The following TTC6 variants were observed in gnomAD, a reference collection of about 807,000 sequenced individuals.
TTC6 encodes tetratricopeptide repeat domain 6, also known as tetratricopeptide repeat protein 6.
In TTC6, 172 loss-of-function variants were observed where a neutral mutation model predicts 210.4. The observed-to-expected ratio is 0.82, with a 90% CI of 0.72 to 0.93. The LOEUF is 0.93. Ranked by LOEUF, TTC6 falls within the 40% of genes least tolerant of loss-of-function variation. The pLI, the probability that TTC6 is intolerant of heterozygous loss-of-function variation, is 0.00. For missense variants in TTC6, 2,414 were observed against 2,318.1 expected, an observed-to-expected ratio of 1.04 and a Z score of -0.85; for synonymous variants, 804 against 819.6, an observed-to-expected ratio of 0.98 and a Z score of 0.32.
At chr14:37,698,444 C>G (rs2095818830) in intron 4 of TTC6, among the ~76,000 whole-genome samples, 1 of 152,154 alleles carries the variant, frequency 6.6e-6, no homozygotes, top group South Asian at 2.1e-4. Context: ...CAGGACCTGT[C>G]TCAGGTAGAA....
intron 16 of TTC6, 85 bp from the exon 19 acceptor site, chr14:37,792,179 G>C (rs997375801): frequency 1.8e-6 from 2 of 1,085,294 alleles, no homozygotes; most frequent in Non-Finnish European, 2.6e-6. Context: ...TGATGCATCT[G>C]TTTCATTCAG....
At chr14:37,747,046 G>A (rs1054913381) in intron 10 of TTC6, among the ~76,000 whole-genome samples, 2 of 152,216 alleles carry the variant, frequency 1.3e-5, no homozygotes, top group Non-Finnish European at 2.9e-5. Context: ...GAAAGAAGTA[G>A]TCAACTGAAC....
intron 21 of TTC6, among the ~76,000 whole-genome samples, chr14:37,806,082 A>G (rs998244931): frequency 1.3e-5 from 2 of 152,204 alleles, no homozygotes; most frequent in African/African-American, 4.8e-5. Flanking sequence ...GAAGCAATGA[A>G]ATCTGAAGAA....
Position 37,720,750 on chromosome 14 carries a change from T to C in TTC6, c.1714-4148T>C, listed in dbSNP as rs1254569257. On this transcript the variant is annotated intron_variant, in intron 6 of 30. Coordinates refer to ENST00000553443, the Ensembl canonical transcript of TTC6. ...TCCAATTCTAAAAGATTACATACTG[T>C]GTAATTTCATTATATAACTTCCTCG... Among the ~76,000 whole-genome samples, 8 of 152,216 alleles carry C rather than the reference T, an allele frequency of 5.3e-5. No homozygotes were observed. In the East Asian group the frequency reaches 1.5e-3, roughly 29 times the overall value.
chr14:37,811,885 T>C (rs1020910362), intron 24 of TTC6, among the ~76,000 whole-genome samples: 1 of 152,202 alleles, frequency 6.6e-6, no homozygotes, highest in African/African-American at 2.4e-5. Flanking sequence ...GTTACTGGGC[T>C]TAAAACAGTG....
chr14:37,797,377 A>C (rs1476806658), intron 20 of TTC6, among the ~76,000 whole-genome samples: 1 of 151,994 alleles, frequency 6.6e-6, no homozygotes, highest in African/African-American at 2.4e-5. Context: ...ATAAAAATTT[A>C]TGTCTTGTGG....
At chr14:37,835,214 G>A (rs2096194984) in intron 29 of TTC6, among the ~76,000 whole-genome samples, 1 of 152,168 alleles carries the variant, frequency 6.6e-6, no homozygotes, top group African/African-American at 2.4e-5. Flanking sequence ...CACCAGTGGT[G>A]TCCATGGCAG....
upstream of TTC6, chr14:37,622,028 G>A (rs1449824702): frequency 7.0e-7 from 1 of 1,431,078 alleles, no homozygotes; most frequent in South Asian, 1.4e-5. Flanking sequence ...ATATGTGATT[G>A]TTTTGGGGGC....
At position 37,788,083 on chromosome 14, in the gene TTC6, C is replaced by T. The variant is rs74045698; in HGVS notation, c.3436+446C>T. Among the ~76,000 whole-genome samples the T allele has an allele frequency of 4.5e-3, 687 of 151,998 alleles. 8 individuals are homozygous for T. The highest frequency in any genetic ancestry group is 0.016 in the African/African-American group (649 of 41,450). On this transcript the variant is annotated intron_variant, in intron 15 of 30. Coordinates refer to ENST00000553443, the Ensembl canonical transcript of TTC6. ...CTGTGTCCTGCTCCATAGGCTCAGC[C>T]CAAGGGATTTGTCAAATTCAGAGTT...
At chr14:37,725,348 ATATATATATAAT>A (rs2095870649) in intron 7 of TTC6, among the ~76,000 whole-genome samples, 4 of 113,296 alleles carry the variant, frequency 3.5e-5, no homozygotes, top group African/African-American at 1.3e-4. Flanking sequence ...ATATATATAT[ATATATATATAAT>A]TTTTTTTGAG....
At chr14:37,672,840 T>TTTA (rs34898946) in intron 1 of TTC6, among the ~76,000 whole-genome samples, 1 of 145,190 alleles carries the variant, frequency 6.9e-6, no homozygotes, top group African/African-American at 2.5e-5. Context: ...TTTTTTTTTT[T>TTTA]ACTAAAAGCA....
chr14:37,648,887 T>C (rs1360727247), intron 1 of TTC6, among the ~76,000 whole-genome samples: 2 of 152,182 alleles, frequency 1.3e-5, no homozygotes, highest in African/African-American at 2.4e-5. Flanking sequence ...GCTTGGCCTT[T>C]TGATTTTATA....
intron 23 of TTC6, among the ~76,000 whole-genome samples, chr14:37,808,025 A>G (rs1187946433): frequency 2.0e-5 from 3 of 152,160 alleles, no homozygotes; most frequent in African/African-American, 7.2e-5. Flanking sequence ...ATAGTTATAT[A>G]CAACTGAGAA....
At chr14:37,719,109 A>G (rs2095857326) in intron 6 of TTC6, among the ~76,000 whole-genome samples, 1 of 152,194 alleles carries the variant, frequency 6.6e-6, no homozygotes, top group African/African-American at 2.4e-5. Flanking sequence ...TATCATTTAT[A>G]ATTGTTAAAA....
At chr14:37,809,220 T>C (rs2096124595) in intron 24 of TTC6, among the ~76,000 whole-genome samples, 1 of 151,732 alleles carries the variant, frequency 6.6e-6, no homozygotes, top group Admixed American at 6.6e-5. Context: ...AATTATCAAT[T>C]GAATAAATGT....
At chr14:37,774,400 C>T (rs2096030692) in intron 14 of TTC6, among the ~76,000 whole-genome samples, 1 of 152,108 alleles carries the variant, frequency 6.6e-6, no homozygotes, top group Non-Finnish European at 1.5e-5. Flanking sequence ...ATAGGTTTGT[C>T]ATCAATGGCT....
At chr14:37,635,493 A>G (rs2095678406) in intron 1 of TTC6, among the ~76,000 whole-genome samples, 2 of 152,246 alleles carry the variant, frequency 1.3e-5, no homozygotes, top group South Asian at 4.1e-4. Flanking sequence ...TACCAACTGA[A>G]AGGCAGAGAT....
intron 14 of TTC6, among the ~76,000 whole-genome samples, chr14:37,786,220 A>G (rs1487942755): frequency 6.6e-6 from 1 of 152,224 alleles, no homozygotes; most frequent in Non-Finnish European, 1.5e-5. Context: ...CCCGGCCCAC[A>G]GAGGTGGAGT....
At chr14:37,713,438 A>G (rs891010591) in intron 5 of TTC6, among the ~76,000 whole-genome samples, 1 of 152,130 alleles carries the variant, frequency 6.6e-6, no homozygotes, top group African/African-American at 2.4e-5. Context: ...AGGTTTTGCT[A>G]TGTTGGCTAG....
Sources: gnomAD v4.1 joint callset for allele counts (sites outside exome capture counted in the v4.1 genomes callset) on GRCh38, gnomAD v4.1.1 for gene constraint, MANE v1.5 for transcripts, NCBI Gene and HGNC (gene_info 2026-07-23, HGNC 2026-07-21) for gene names.